The following CCDC13 variants were observed in gnomAD, a reference collection of about 807,000 sequenced individuals.
CCDC13 encodes coiled-coil domain containing 13, also known as coiled-coil domain-containing protein 13.
Under a neutral mutation model 87.3 loss-of-function variants are expected in CCDC13, and 70 were observed. The observed-to-expected ratio is 0.80, with a 90% CI of 0.66 to 0.98. CCDC13 has a LOEUF of 0.98. Ranked by LOEUF, CCDC13 falls within the 50% of genes least tolerant of loss-of-function variation. The probability of loss-of-function intolerance (pLI) is 0.00; values close to 1 mark genes in which losing one functional copy is unlikely to be tolerated. For synonymous variants in CCDC13, 317 were observed against 360.3 expected (o/e 0.88, Z 1.36); for missense variants, 842 against 892.0 (o/e 0.94, Z 0.71).
At chr3:42,772,368 G>T (rs535610586) in intron 1 of CCDC13, among the ~76,000 whole-genome samples, 1 of 152,094 alleles carries the variant, frequency 6.6e-6, no homozygotes, top group South Asian at 2.1e-4. Flanking sequence ...TAGAGCCAGG[G>T]AGTAGGAAGA....
intron 1 of CCDC13, among the ~76,000 whole-genome samples, chr3:42,760,025 C>T (rs995116874): frequency 6.6e-6 from 1 of 152,140 alleles, no homozygotes; most frequent in Non-Finnish European, 1.5e-5. Context: ...GGCATGGTGG[C>T]TCATCCCTGT....
chr3:42,705,650 G>T (rs1242044045), downstream of CCDC13, among the ~76,000 whole-genome samples: 1 of 152,180 alleles, frequency 6.6e-6, no homozygotes, highest in East Asian at 1.9e-4. Flanking sequence ...GGCCCTTGGT[G>T]TCTTATCCAG....
intron 13 of CCDC13, among the ~76,000 whole-genome samples, chr3:42,725,625 T>C (rs1448314447): frequency 6.8e-6 from 1 of 148,146 alleles, no homozygotes; most frequent in Non-Finnish European, 1.5e-5. Context: ...CCTTGGGAAA[T>C]GGGGAGGAGG....
intron 13 of CCDC13, among the ~76,000 whole-genome samples, chr3:42,724,686 T>C (rs1698647669): frequency 6.6e-6 from 1 of 152,250 alleles, no homozygotes; most frequent in Non-Finnish European, 1.5e-5. Flanking sequence ...TTTTGCTTCA[T>C]AATTGATTTT....
At position 42,708,795 on chromosome 3, in the gene CCDC13, T is replaced by C; in HGVS notation, c.*185A>G. 1 of 587,544 alleles carries C rather than the reference T, an allele frequency of 1.7e-6. No homozygotes were observed. Among genetic ancestry groups the C allele is most frequent in the Non-Finnish European group, 2.8e-6 (1 of 355,860 alleles). The allele number at this position is 587,544 out of a possible 1,614,324, so 36.4% of individuals were successfully genotyped here. On this transcript the variant is annotated 3_prime_UTR_variant, in exon 16 of 16. Transcript: ENST00000310232. ...GTCTCCTGCAGTGTCCCACCAGGGC[T>C]TCTCTTCTGCCTTCCTGGCCTGAGA...
rs184587064 is a variant in CCDC13, at chr3:42,744,248, T to C, written c.826-1191A>G. Among the ~76,000 whole-genome samples, 7 of 152,298 alleles carry C rather than the reference T, an allele frequency of 4.6e-5. No individual in the cohort carries two copies. The East Asian group carries it at 1.3e-3, about 29-fold the overall frequency. On this transcript the variant is annotated intron_variant, in intron 7 of 15. Coordinates refer to ENST00000310232, the MANE Select transcript of CCDC13 (RefSeq NM_144719.4). ...TTCAGCAAGTGGCAGGTAGATGTCATCCCACAGAACAATGCCCTTATCACC... is the reference window on the plus strand; with the variant it reads ...TTCAGCAAGTGGCAGGTAGATGTCACCCCACAGAACAATGCCCTTATCACC...
chr3:42,742,628 T>C (rs573518237), intron 8 of CCDC13, among the ~76,000 whole-genome samples: 1 of 152,102 alleles, frequency 6.6e-6, no homozygotes, highest in African/African-American at 2.4e-5. Context: ...CCTTTTACAA[T>C]GAGAATTTCA....
At chr3:42,739,937 G>A in intron 8 of CCDC13, 127 bp from the exon 9 acceptor site, 1 of 839,052 alleles carries the variant, frequency 1.2e-6, no homozygotes, top group Non-Finnish European at 1.9e-6. Flanking sequence ...ATGCCACAGA[G>A]CAAGTCACTA....
chr3:42,745,842 C>A (rs1699376870), intron 7 of CCDC13, 81 bp downstream of exon 7: 4 of 1,134,894 alleles, frequency 3.5e-6, no homozygotes, highest in Non-Finnish European at 5.3e-6. Context: ...GTGCTTAGGT[C>A]TCTAAGGGGG....
At chr3:42,716,852 AACAGGT>A (rs1181527882) in intron 13 of CCDC13, among the ~76,000 whole-genome samples, 1 of 152,218 alleles carries the variant, frequency 6.6e-6, no homozygotes, top group Non-Finnish European at 1.5e-5. Context: ...CGGGGACTCA[AACAGGT>A]ACTTGTACAG....
chr3:42,716,333 C>T (rs1346152944), intron 13 of CCDC13, among the ~76,000 whole-genome samples: 1 of 151,750 alleles, frequency 6.6e-6, no homozygotes, highest in Non-Finnish European at 1.5e-5. Context: ...GACAATTCCA[C>T]AATATAGAAG....
intron 7 of CCDC13, 155 bp downstream of exon 7, chr3:42,745,768 G>T (rs1699374700): frequency 9.5e-6 from 5 of 524,978 alleles, no homozygotes; most frequent in Non-Finnish European, 1.7e-5. Context: ...TGGTTGGCGA[G>T]AAGGTAAAAC....
At chr3:42,730,436 A>G (rs767032940) in intron 13 of CCDC13, 31 bp downstream of exon 13, 2 of 1,607,918 alleles carry the variant, frequency 1.2e-6, no homozygotes, top group South Asian at 2.2e-5. Flanking sequence ...ATGCAGGCCT[A>G]TGGGAGAGAT....
At chr3:42,771,109 T>C (rs1700082903) in intron 1 of CCDC13, 2 of 152,200 alleles carry the variant, frequency 1.3e-5, no homozygotes, top group African/African-American at 4.8e-5. Flanking sequence ...CTCATACCGG[T>C]GAATATTATT....
rs533831245 is a variant in CCDC13 at position 42,716,550 on chromosome 3, A to G, written c.1719-3234T>C. ...TAGGCAAAAGACTTGTGTTTCTCCA[A>G]AGAAAATATACAAATGTCCAATAAG... On this transcript the variant is annotated intron_variant, in intron 13 of 15. Coordinates refer to ENST00000310232, the MANE Select transcript of CCDC13 (RefSeq NM_144719.4). Among the ~76,000 whole-genome samples, 6 of 152,386 alleles carry G rather than the reference A, an allele frequency of 3.9e-5. No individual in the cohort carries two copies. The East Asian group carries it at 1.2e-3, about 29-fold the overall frequency.
chr3:42,732,743 TCCTC>T (rs1698873979), intron 12 of CCDC13, 140 bp downstream of exon 12: 1 of 685,816 alleles, frequency 1.5e-6, no homozygotes, highest in Non-Finnish European at 2.5e-6. Flanking sequence ...ACTTCCCTGA[TCCTC>T]CCTGTCTTTA....
intron 14 of CCDC13, among the ~76,000 whole-genome samples, chr3:42,710,433 A>G (rs1010381555): frequency 5.9e-5 from 9 of 152,068 alleles, no homozygotes; most frequent in African/African-American, 2.2e-4. Flanking sequence ...CCGAGTCTAG[A>G]CTGTCACTGT....
chr3:42,767,349 T>C (rs1699951379), intron 1 of CCDC13, among the ~76,000 whole-genome samples: 1 of 152,234 alleles, frequency 6.6e-6, no homozygotes, highest in Admixed American at 6.5e-5. Flanking sequence ...TACTTAGGTA[T>C]AAATCTTACA....
intron 6 of CCDC13, chr3:42,746,291 T>G (rs1699392997): frequency 4.6e-6 from 2 of 434,066 alleles, no homozygotes. Flanking sequence ...TAGGGCCCCT[T>G]GCTCTTGACA....
Sources: gnomAD v4.1 joint callset for allele counts (sites outside exome capture counted in the v4.1 genomes callset) on GRCh38, gnomAD v4.1.1 for gene constraint, MANE v1.5 for transcripts, NCBI Gene and HGNC (gene_info 2026-07-23, HGNC 2026-07-21) for gene names.